Variants in TMEM63C observed in about 807,000 individuals in gnomAD.
TMEM63C encodes the protein transmembrane protein 63C.
A neutral mutation model predicts 99.2 loss-of-function variants in TMEM63C; 32 were observed. The ratio of observed to expected loss-of-function variants is 0.32; its 90% CI spans 0.24 to 0.43. The LOEUF (loss-of-function observed/expected upper bound fraction) is 0.43, where lower values mean the gene tolerates loss of function less well. TMEM63C is among the 20% of genes least tolerant of loss of function. The pLI is 1.00. For missense variants in TMEM63C, 826 were observed against 1,053.0 expected, an observed-to-expected ratio of 0.78 and a Z score of 2.98; for synonymous variants, 376 against 397.9, an observed-to-expected ratio of 0.94 and a Z score of 0.66.
chr14:77,182,549 G>T (rs1486698590), intron 1 of TMEM63C, among the ~76,000 whole-genome samples: 1 of 152,150 alleles, frequency 6.6e-6, no homozygotes, highest in Non-Finnish European at 1.5e-5. Context: ...TCACTGAGCA[G>T]GCCCTACAGA....
intron 6 of TMEM63C, among the ~76,000 whole-genome samples, chr14:77,229,540 CAGG>C (rs1307322054): frequency 6.6e-6 from 1 of 150,940 alleles, no homozygotes; most frequent in Non-Finnish European, 1.5e-5. Context: ...CTCAACCTCC[CAGG>C]CTCAAGCGAT....
chr14:77,188,477 C>G (rs570886480), intron 1 of TMEM63C, among the ~76,000 whole-genome samples: 1 of 152,134 alleles, frequency 6.6e-6, no homozygotes, highest in Non-Finnish European at 1.5e-5. Flanking sequence ...TTATGACCAA[C>G]GATTTCACAT....
At chr14:77,236,784 C>A in intron 9 of TMEM63C, 52 bp downstream of exon 9, 2 of 1,296,014 alleles carry the variant, frequency 1.5e-6, no homozygotes, top group South Asian at 1.2e-5. Flanking sequence ...GGTCCCTCCC[C>A]ACTGGGCTGA....
intron 2 of TMEM63C, chr14:77,213,746 G>A (rs1341825716): frequency 6.6e-6 from 1 of 152,152 alleles, no homozygotes; most frequent in African/African-American, 2.4e-5. Flanking sequence ...GAAGTGTACT[G>A]TGTTCGATGT....
chr14:77,194,885 A>T (rs953241007), intron 1 of TMEM63C, among the ~76,000 whole-genome samples: 2 of 151,774 alleles, frequency 1.3e-5, no homozygotes, highest in African/African-American at 4.8e-5. Context: ...CCTAGCGTGG[A>T]TTTCGTTTTC....
At chr14:77,229,485 T>A (rs982200651) in intron 6 of TMEM63C, among the ~76,000 whole-genome samples, 5 of 149,502 alleles carry the variant, frequency 3.3e-5, no homozygotes, top group African/African-American at 1.2e-4. Context: ...GTTCCCCAGG[T>A]CACCCAGGCT....
Position 77,211,817 on chromosome 14 carries a change from C to T in TMEM63C, c.-76-1629C>T, listed in dbSNP as rs371876534. ...AATGGGACAGGAAGAGGGCCACACA[C>T]TCTCCCATCAGATAAGATATGCAGC... On this transcript the variant is annotated intron_variant, in intron 1 of 23. Transcript: ENST00000298351. Among the ~76,000 whole-genome samples, 19 of 152,316 alleles carry T rather than the reference C, an allele frequency of 1.2e-4. No individual in the cohort carries two copies. The East Asian group carries it at 2.1e-3, about 17-fold the overall frequency.
intron 5 of TMEM63C, among the ~76,000 whole-genome samples, chr14:77,222,475 C>T (rs1888742802): frequency 1.3e-5 from 2 of 152,232 alleles, no homozygotes; most frequent in South Asian, 4.1e-4. Context: ...CCACCTGCAT[C>T]CAGAGAGATT....
At chr14:77,252,032 G>A (rs1594870902) in intron 22 of TMEM63C, 134 bp downstream of exon 22, 4 of 759,400 alleles carry the variant, frequency 5.3e-6, no homozygotes, top group East Asian at 2.5e-5. Context: ...ACTGTAGAGC[G>A]TGGAGCCCAG....
At chr14:77,242,255 C>A in intron 13 of TMEM63C, 92 bp from the exon 14 acceptor site, 1 of 1,415,098 alleles carries the variant, frequency 7.1e-7, no homozygotes. Flanking sequence ...GTAGGACCAC[C>A]ATAGTGGCCC....
chr14:77,201,060 G>A (rs1566617881), intron 1 of TMEM63C: 1 of 150,290 alleles, frequency 6.7e-6, no homozygotes, highest in African/African-American at 2.5e-5. Context: ...GAGCAAGGTA[G>A]CAGATAGAAA....
chr14:77,243,130 G>A, intron 15 of TMEM63C, 74 bp downstream of exon 15: 6 of 1,570,208 alleles, frequency 3.8e-6, no homozygotes, highest in Non-Finnish European at 4.3e-6. Context: ...GATGGGATGG[G>A]GGGAGCCCCC....
intron 1 of TMEM63C, among the ~76,000 whole-genome samples, chr14:77,209,815 T>C (rs949022371): frequency 6.6e-6 from 1 of 151,542 alleles, no homozygotes; most frequent in African/African-American, 2.4e-5. Flanking sequence ...GAACAGAGGG[T>C]ACCATGAGGA....
intron 1 of TMEM63C, among the ~76,000 whole-genome samples, chr14:77,185,739 C>G (rs1887983655): frequency 6.6e-6 from 1 of 152,176 alleles, no homozygotes; most frequent in African/African-American, 2.4e-5. Context: ...GAGGACCTGT[C>G]ATACATGGAC....
intron 14 of TMEM63C, 137 bp downstream of exon 14, chr14:77,242,606 C>T: frequency 8.0e-7 from 1 of 1,245,360 alleles, no homozygotes; most frequent in Non-Finnish European, 1.1e-6. Context: ...TCCTAAGCAC[C>T]ACAACCTGTG....
intron 6 of TMEM63C, among the ~76,000 whole-genome samples, chr14:77,227,758 T>C (rs450141): frequency 0.61 from 92,844 of 151,810 alleles, 32,542 homozygotes; most frequent in Non-Finnish European, 0.77. Flanking sequence ...AGAATGGGGG[T>C]TGAGGAAAGG....
chr14:77,188,066 A>G (rs1386096099), intron 1 of TMEM63C, among the ~76,000 whole-genome samples: 1 of 152,146 alleles, frequency 6.6e-6, no homozygotes. Flanking sequence ...CGTGCCCTGG[A>G]CTGTCTGAGC....
intron 1 of TMEM63C, among the ~76,000 whole-genome samples, chr14:77,193,822 G>A (rs1386716667): frequency 2.1e-5 from 3 of 144,360 alleles, no homozygotes; most frequent in East Asian, 2.0e-4. Context: ...CAACAAGAGC[G>A]AAACTCCGTC....
chr14:77,214,713 A>T (rs1888550598), intron 2 of TMEM63C, among the ~76,000 whole-genome samples: 1 of 150,162 alleles, frequency 6.7e-6, no homozygotes, highest in South Asian at 2.1e-4. Context: ...TGCTGATGTC[A>T]ATGTCCACAT....
Sources: allele counts gnomAD v4.1 joint callset (sites outside exome capture counted in the v4.1 genomes callset), GRCh38; gene constraint gnomAD v4.1.1; transcripts MANE v1.5; gene names NCBI Gene and HGNC (gene_info 2026-07-23, HGNC 2026-07-21).